Variants in CSGALNACT1 observed in about 807,000 individuals in gnomAD.
The protein encoded by CSGALNACT1 is chondroitin sulfate N-acetylgalactosaminyltransferase 1, also known as beta4GalNAcT-1.
CSGALNACT1 carries 52 observed loss-of-function variants against 51.0 expected under a neutral mutation model. That is an observed-to-expected ratio of 1.02 (90% CI 0.82 to 1.29). The LOEUF (loss-of-function observed/expected upper bound fraction) is 1.29, where lower values mean the gene tolerates loss of function less well. Among genes scored for constraint, CSGALNACT1 ranks in the 50% most tolerant of loss-of-function variants. The pLI, the probability that CSGALNACT1 is intolerant of heterozygous loss-of-function variation, is 0.00. For synonymous variants in CSGALNACT1, 341 were observed against 254.4 expected (o/e 1.34, Z -3.24); for missense variants, 935 against 679.2 (o/e 1.38, Z -4.19).
chr8:19,504,512 A>G (rs978457121), intron 4 of CSGALNACT1, among the ~76,000 whole-genome samples: 3 of 152,236 alleles, frequency 2.0e-5, no homozygotes, highest in Non-Finnish European at 2.9e-5. Flanking sequence ...AAGAAACTGG[A>G]CAAGGCTGCT....
Position 19,473,160 on chromosome 8 carries a change from T to G in CSGALNACT1, c.635-14518A>C, listed in dbSNP as rs565732229. On this transcript the variant is annotated intron_variant, in intron 4 of 9. Transcript: ENST00000454498. ...CACTGTGGACCCAGAGATGTAAAGA[T>G]TTTTGATATTCTGGTAAAAAGCCTC... 3.2e-4 allele frequency among the ~76,000 whole-genome samples: 49 copies of G among 152,332 alleles called. No individual in the cohort carries two copies. The South Asian group carries it at 1.0e-2, about 31-fold the overall frequency.
chr8:19,482,977 C>G (rs2071862743), intron 4 of CSGALNACT1, among the ~76,000 whole-genome samples: 1 of 152,126 alleles, frequency 6.6e-6, no homozygotes, highest in African/African-American at 2.4e-5. Context: ...GAGCTTCATC[C>G]TTCACACCTC....
intron 3 of CSGALNACT1, among the ~76,000 whole-genome samples, chr8:19,574,437 AC>A (rs1452812312): frequency 6.6e-6 from 1 of 152,202 alleles, no homozygotes; most frequent in Non-Finnish European, 1.5e-5. Flanking sequence ...ATCAGACAGA[AC>A]CAAAAAGCTA....
intron 3 of CSGALNACT1, among the ~76,000 whole-genome samples, chr8:19,525,388 G>C (rs1349852602): frequency 2.0e-5 from 3 of 151,774 alleles, no homozygotes; most frequent in Non-Finnish European, 4.4e-5. Context: ...CGGATCATTT[G>C]AGATCAGGAG....
chr8:19,404,606 C>CT lies in CSGALNACT1; in HGVS notation c.*1173_*1174insA, dbSNP rs757717411. On this transcript the variant is annotated 3_prime_UTR_variant, in exon 10 of 10. Transcript: ENST00000454498. ...TTCTGGCAGATGGATTGATCTTTCACAATATATATATATATATTTTTTTCT... is the reference window on the plus strand; with the variant it reads ...TTCTGGCAGATGGATTGATCTTTCACTAATATATATATATATATTTTTTTCT... The CT allele has an allele frequency of 1.2e-3, 283 of 239,586 alleles. 4 individuals carry two copies. Among genetic ancestry groups the CT allele is most frequent in the East Asian group, 3.4e-3 (13 of 3,848 alleles). The allele number at this position is 239,586 out of a possible 1,614,324, so 14.8% of individuals were successfully genotyped here.
chr8:19,510,625 C>A (rs975188154), intron 3 of CSGALNACT1, among the ~76,000 whole-genome samples: 3 of 152,156 alleles, frequency 2.0e-5, no homozygotes, highest in African/African-American at 7.2e-5. Context: ...CCCAAACAGA[C>A]AAATACCATT....
chr8:19,722,728 G>A (rs1004240731), intron 1 of CSGALNACT1, among the ~76,000 whole-genome samples: 1 of 152,254 alleles, frequency 6.6e-6, no homozygotes, highest in Non-Finnish European at 1.5e-5. Context: ...GTCATCCCTC[G>A]GAGAGACTCA....
chr8:19,703,040 AC>A (rs1036045390), intron 1 of CSGALNACT1, among the ~76,000 whole-genome samples: 1 of 152,140 alleles, frequency 6.6e-6, no homozygotes, highest in African/African-American at 2.4e-5. Flanking sequence ...CAAAAGGGAA[AC>A]CTGTAACCCT....
intron 1 of CSGALNACT1, among the ~76,000 whole-genome samples, chr8:19,630,194 C>CTG (rs55947851): frequency 0.05 from 6,821 of 137,762 alleles, 227 homozygotes; most frequent in South Asian, 0.077. Flanking sequence ...TCCCACGTCT[C>CTG]TGTGTGTGTG....
intron 4 of CSGALNACT1, among the ~76,000 whole-genome samples, chr8:19,488,361 TTATATATACATATA>T (rs1455699387): frequency 8.9e-5 from 8 of 89,836 alleles, no homozygotes; most frequent in African/African-American, 2.3e-4. Context: ...TTATATATAT[TTATATATACATATA>T]TATATATATA....
chr8:19,640,426 T>A lies in CSGALNACT1; in HGVS notation c.-543-38561A>T, dbSNP rs928378072. Among the ~76,000 whole-genome samples the A allele has an allele frequency of 4.6e-5, 7 of 152,248 alleles. No individual in the cohort carries two copies. In the East Asian group the frequency reaches 1.2e-3, roughly 25 times the overall value. ...ACTCCTTGGAATTCAGCTGCTAGAG[T>A]ATTCTTGACTGAACATCAAACTGCT... On this transcript the variant is annotated intron_variant, in intron 1 of 9. Transcript: ENST00000332246.
chr8:19,524,386 A>G (rs184622560), intron 3 of CSGALNACT1, among the ~76,000 whole-genome samples: 7 of 152,312 alleles, frequency 4.6e-5, no homozygotes, highest in Non-Finnish European at 8.8e-5. Context: ...AAAAAGACGA[A>G]AAAATAGAGA....
chr8:19,731,385 G>C (rs946112533), intron 1 of CSGALNACT1, among the ~76,000 whole-genome samples: 1 of 152,174 alleles, frequency 6.6e-6, no homozygotes, highest in Non-Finnish European at 1.5e-5. Flanking sequence ...GCCCATGCCT[G>C]TAATCCCAGC....
chr8:19,459,847 G>C (rs2064990893), intron 4 of CSGALNACT1, among the ~76,000 whole-genome samples: 1 of 152,188 alleles, frequency 6.6e-6, no homozygotes, highest in African/African-American at 2.4e-5. Flanking sequence ...AAGGTAGAGA[G>C]GCAGGAGAGA....
chr8:19,494,722 G>A (rs551543702), intron 4 of CSGALNACT1, among the ~76,000 whole-genome samples: 1 of 151,984 alleles, frequency 6.6e-6, no homozygotes, highest in African/African-American at 2.4e-5. Context: ...ATTTCCTCTG[G>A]TTCTGTTCTT....
At chr8:19,603,133 TAGAA>T (rs1237769337), upstream of CSGALNACT1, among the ~76,000 whole-genome samples, 130 of 78,396 alleles carry the variant, frequency 1.7e-3, no homozygotes, top group Non-Finnish European at 2.6e-3. Context: ...AAAAAAAAAG[TAGAA>T]AGAAAGAAAG....
intron 1 of CSGALNACT1, among the ~76,000 whole-genome samples, chr8:19,660,693 G>C (rs180736683): frequency 3.3e-5 from 5 of 152,210 alleles, no homozygotes; most frequent in African/African-American, 9.6e-5. Flanking sequence ...AGTTGTTACA[G>C]GCACATTCTC....
At chr8:19,660,937 G>A (rs565801933) in intron 1 of CSGALNACT1, among the ~76,000 whole-genome samples, 24 of 152,198 alleles carry the variant, frequency 1.6e-4, no homozygotes, top group South Asian at 1.0e-3. Context: ...TTTTGAGGCA[G>A]AGTCTTGCTC....
Position 19,536,182 on chromosome 8 carries a change from G to C in CSGALNACT1, c.-296-30052C>G, listed in dbSNP as rs937101469. ...ATAATGTAAACTATAAACTTTGGGTGATGATGATGTAAAATGTAGATTCAT... is the reference window on the plus strand; with the variant it reads ...ATAATGTAAACTATAAACTTTGGGTCATGATGATGTAAAATGTAGATTCAT... On this transcript the variant is annotated intron_variant, in intron 3 of 9. Coordinates refer to ENST00000454498, the Ensembl canonical transcript of CSGALNACT1. Among the ~76,000 whole-genome samples the C allele has an allele frequency of 2.0e-5, 3 of 152,138 alleles. No homozygotes were observed. In the South Asian group the frequency reaches 6.2e-4, roughly 32 times the overall value.
Sources: gnomAD v4.1 joint callset for allele counts (sites outside exome capture counted in the v4.1 genomes callset) on GRCh38, gnomAD v4.1.1 for gene constraint, MANE v1.5 for transcripts, NCBI Gene and HGNC (gene_info 2026-07-23, HGNC 2026-07-21) for gene names.